Variants in PLA2G12A observed in about 807,000 individuals in gnomAD.
PLA2G12A encodes the protein group XIIA secretory phospholipase A2.
PLA2G12A carries 11 observed loss-of-function variants against 16.0 expected under a neutral mutation model. That is an observed-to-expected ratio of 0.69 (90% CI 0.43 to 1.13). The LOEUF is 1.13. Ranked by LOEUF, PLA2G12A falls within the 50% of genes most tolerant of loss-of-function variation. The pLI, the probability that PLA2G12A is intolerant of heterozygous loss-of-function variation, is 0.00. For synonymous variants in PLA2G12A, 77 were observed against 93.8 expected, an observed-to-expected ratio of 0.82 and a Z score of 1.03; for missense variants, 214 against 237.3, an observed-to-expected ratio of 0.90 and a Z score of 0.65.
intron 1 of PLA2G12A, among the ~76,000 whole-genome samples, chr4:109,721,800 A>G (rs1041024395): frequency 1.3e-5 from 2 of 152,100 alleles, no homozygotes; most frequent in African/African-American, 4.8e-5. Context: ...AGATGCTCAG[A>G]GCAAAAATGT....
At chr4:109,721,377 A>G (rs1730939892) in intron 1 of PLA2G12A, among the ~76,000 whole-genome samples, 1 of 148,642 alleles carries the variant, frequency 6.7e-6, no homozygotes, top group Non-Finnish European at 1.5e-5. Flanking sequence ...GCTGGAGTGC[A>G]ATGGCGCGAT....
intron 1 of PLA2G12A, among the ~76,000 whole-genome samples, chr4:109,724,071 A>G (rs923488709): frequency 3.9e-5 from 6 of 152,134 alleles, no homozygotes; most frequent in Non-Finnish European, 7.3e-5. Context: ...CCACCCTCAG[A>G]CAACCGATAT....
At chr4:109,718,418 C>T (rs11930714) in intron 2 of PLA2G12A, among the ~76,000 whole-genome samples, 1 of 152,146 alleles carries the variant, frequency 6.6e-6, no homozygotes, top group Non-Finnish European at 1.5e-5. Flanking sequence ...AGTAGTAGCA[C>T]TTCTGTACTC....
intron 1 of PLA2G12A, among the ~76,000 whole-genome samples, chr4:109,720,606 T>A (rs201149258): frequency 0.064 from 630 of 9,892 alleles, 6 homozygotes; most frequent in Non-Finnish European, 0.078. Context: ...AAAAAAAAAA[T>A]ATATATATAT....
chr4:109,711,846 AAGCTGAT>A lies in PLA2G12A; in HGVS notation c.*2524_*2530del, dbSNP rs1730735773. Reference sequence around the variant, plus strand: ...AAGTGTCCAAAGTTAATACACCATCAAGCTGATAGCATGTAACTCCTGACATGATGCA... The same window carrying A: ...AAGTGTCCAAAGTTAATACACCATCAAGCATGTAACTCCTGACATGATGCA... On this transcript the variant is annotated 3_prime_UTR_variant, in exon 4 of 4. Coordinates refer to ENST00000243501, the MANE Select transcript of PLA2G12A (RefSeq NM_030821.5). 1 of 152,234 alleles carries A rather than the reference AAGCTGAT, an allele frequency of 6.6e-6. No homozygotes were observed. The highest frequency in any genetic ancestry group is 1.5e-5 in the Non-Finnish European group (1 of 68,036). The allele number at this position is 152,234 out of a possible 1,614,324, so 9.4% of individuals were successfully genotyped here.
intron 1 of PLA2G12A, among the ~76,000 whole-genome samples, chr4:109,728,963 CAAAGAG>C (rs1722989752): frequency 6.6e-6 from 1 of 152,054 alleles, no homozygotes. Context: ...TTCTCAGGTT[CAAAGAG>C]AAAGTTCAAA....
rs1730722061 is a variant in PLA2G12A, at chr4:109,711,181, C to A, written c.*3196G>T. The A allele has an allele frequency of 6.7e-6, 1 of 149,112 alleles. No homozygotes were observed. Among genetic ancestry groups the A allele is most frequent in the African/African-American group, 2.5e-5 (1 of 40,576 alleles). The allele number at this position is 149,112 out of a possible 1,614,324, so 9.2% of individuals were successfully genotyped here. Reference sequence around the variant, plus strand: ...AAATTTTGAGTTGAAGACGGCAGTACAAACTCATGTTTAGCTTTGTACACA... The same window carrying A: ...AAATTTTGAGTTGAAGACGGCAGTAAAAACTCATGTTTAGCTTTGTACACA... On this transcript the variant is annotated 3_prime_UTR_variant, in exon 4 of 4. Coordinates refer to ENST00000243501, the MANE Select transcript of PLA2G12A (RefSeq NM_030821.5).
intron 1 of PLA2G12A, among the ~76,000 whole-genome samples, chr4:109,726,958 GATCTCTTT>G (rs1722953369): frequency 7.0e-6 from 1 of 143,532 alleles, no homozygotes; most frequent in Non-Finnish European, 1.5e-5. Flanking sequence ...AAGCTCTCTT[GATCTCTTT>G]CGTGCAACTA....
Position 109,713,433 on chromosome 4 carries a change from A to G in PLA2G12A, c.*944T>C, listed in dbSNP as rs1730770796. 6.6e-6 allele frequency: 1 copy of G among 152,238 alleles called. No individual in the cohort carries two copies. Among genetic ancestry groups the G allele is most frequent in the Admixed American group, 6.5e-5 (1 of 15,280 alleles). 9.4% of individuals were successfully genotyped at this position (152,238 alleles called of 1,614,324 possible). A position where few individuals can be genotyped will look rare whatever the true frequency, so the allele number is the denominator to read the frequency against. On this transcript the variant is annotated 3_prime_UTR_variant, in exon 4 of 4. Coordinates refer to ENST00000243501, the MANE Select transcript of PLA2G12A (RefSeq NM_030821.5). ...TTTTGAAAAGCAGTATCAAGCACAA[A>G]TTTTAGTAAGACCACAGTTAGTAAA...
chr4:109,729,265 T>C (rs1483444579), intron 1 of PLA2G12A, among the ~76,000 whole-genome samples: 2 of 152,020 alleles, frequency 1.3e-5, no homozygotes, highest in African/African-American at 4.8e-5. Flanking sequence ...AAAACCAGTC[T>C]GTTCCACTCT....
intron 1 of PLA2G12A, among the ~76,000 whole-genome samples, chr4:109,728,693 A>C (rs1722985686): frequency 6.6e-6 from 1 of 152,182 alleles, no homozygotes; most frequent in Admixed American, 6.5e-5. Flanking sequence ...TTTTAAGTTC[A>C]CCTATACAAT....
intron 3 of PLA2G12A, among the ~76,000 whole-genome samples, chr4:109,715,988 A>T (rs183400869): frequency 1.2e-4 from 19 of 152,364 alleles, no homozygotes; most frequent in Admixed American, 1.2e-3. Flanking sequence ...TAACATTTTC[A>T]AAGTTCTCCA....
Position 109,714,430 on chromosome 4 carries a change from C to A in PLA2G12A, c.517G>T (p.Asp173Tyr). The A allele has an allele frequency of 6.2e-7, 1 of 1,614,058 alleles. No homozygotes were observed. Among genetic ancestry groups the A allele is most frequent in the African/African-American group, 1.3e-5 (1 of 75,002 alleles). The change falls in exon 4 of 4, where the codon GAC becomes TAC. Residue 173 changes from aspartate (D) to tyrosine (Y), a missense_variant. Coordinates refer to ENST00000243501, the MANE Select transcript of PLA2G12A (RefSeq NM_030821.5). ...CACCTGCATGCGGCTCGTTGGCTGT[C>A]CAGATATGGTTTACAACCTAAATGT... is the stretch of plus-strand genomic sequence containing the variant. ...VIHLGCKPYLDSQRAACRCHY... is the reference protein window; with the variant it reads ...VIHLGCKPYLYSQRAACRCHY...
Position 109,714,158 on chromosome 4 carries a change from CA to C in PLA2G12A, c.*218del. 1 of 521,734 alleles carries C rather than the reference CA, an allele frequency of 1.9e-6. No individual in the cohort carries two copies. The highest frequency in any genetic ancestry group is 1.9e-5 in the African/African-American group (1 of 52,812). 32.3% of individuals were successfully genotyped at this position (521,734 alleles called of 1,614,324 possible). On this transcript the variant is annotated 3_prime_UTR_variant, in exon 4 of 4. Coordinates refer to ENST00000243501, the MANE Select transcript of PLA2G12A (RefSeq NM_030821.5). ...ACATTTGGCATACTAAGTAAGGGAG[CA>C]ATGCTGGGGAAGATACCTGAGAAGA...
In PLA2G12A at chr4:109,729,896, C is replaced by A; in HGVS notation, c.-87G>T. Reference sequence around the variant, plus strand: ...CCCCAGGACGCGCTAGGCAGCGGCGCGGGCCCCGGACTTGGCAGCAGCCAG... The same window carrying A: ...CCCCAGGACGCGCTAGGCAGCGGCGAGGGCCCCGGACTTGGCAGCAGCCAG... On this transcript the variant is annotated 5_prime_UTR_variant, in exon 1 of 4. Transcript: ENST00000243501. 8.2e-7 allele frequency: 1 copy of A among 1,224,450 alleles called. No homozygotes were observed. The allele number at this position is 1,224,450 out of a possible 1,614,324, so 75.8% of individuals were successfully genotyped here. A position where few individuals can be genotyped will look rare whatever the true frequency, so the allele number is the denominator to read the frequency against.
intron 2 of PLA2G12A, 99 bp from the exon 3 acceptor site, chr4:109,717,812 G>T (rs967121159): frequency 1.7e-6 from 2 of 1,175,214 alleles, no homozygotes; most frequent in Non-Finnish European, 1.2e-6. Flanking sequence ...GATAATGACT[G>T]CTGTATAGAT....
In PLA2G12A at chr4:109,711,709, C is replaced by T. The variant is rs934277601; in HGVS notation, c.*2668G>A. The T allele has an allele frequency of 1.3e-5, 2 of 152,050 alleles. No homozygotes were observed. The highest frequency in any genetic ancestry group is 4.8e-5 in the African/African-American group (2 of 41,394). The allele number at this position is 152,050 out of a possible 1,614,324, so 9.4% of individuals were successfully genotyped here. On this transcript the variant is annotated 3_prime_UTR_variant, in exon 4 of 4. Coordinates refer to ENST00000243501, the MANE Select transcript of PLA2G12A (RefSeq NM_030821.5). ...GGGGGTTGAATGTAATCTTTCCCAC[C>T]CACCACCTCCCATGACTGGACTTAG...
intron 3 of PLA2G12A, among the ~76,000 whole-genome samples, chr4:109,715,343 T>C (rs369007485): frequency 1.2e-4 from 18 of 152,344 alleles, no homozygotes; most frequent in African/African-American, 4.3e-4. Flanking sequence ...ATACATCAGT[T>C]AAGAGGCTTA....
chr4:109,717,818 T>G (rs1428258981), intron 2 of PLA2G12A, 105 bp from the exon 3 acceptor site: 20 of 1,119,842 alleles, frequency 1.8e-5, no homozygotes, highest in Non-Finnish European at 2.6e-5. Flanking sequence ...GACTGCTGTA[T>G]AGATAGTTCC....
Sources: allele counts gnomAD v4.1 joint callset (sites outside exome capture counted in the v4.1 genomes callset), GRCh38; gene constraint gnomAD v4.1.1; transcripts MANE v1.5; gene names NCBI Gene and HGNC (gene_info 2026-07-23, HGNC 2026-07-21).